MED1: variants seen among roughly 807,000 people sequenced by gnomAD.
MED1 encodes the protein mediator complex subunit 1, also known as mediator of RNA polymerase II transcription subunit 1.
In MED1, 17 loss-of-function variants were observed where a neutral mutation model predicts 121.3. The ratio of observed to expected loss-of-function variants is 0.14; its 90% CI spans 0.10 to 0.21. The LOEUF (loss-of-function observed/expected upper bound fraction) is 0.21, where lower values mean the gene tolerates loss of function less well. MED1 is among the 10% of genes least tolerant of loss of function. The pLI is 1.00. For synonymous variants in MED1, 661 were observed against 694.4 expected, an observed-to-expected ratio of 0.95 and a Z score of 0.76; for missense variants, 1,558 against 1,919.4, an observed-to-expected ratio of 0.81 and a Z score of 3.52.
In MED1 at chr17:39,408,910, G is replaced by A. The variant is rs2048329402; in HGVS notation, c.3311C>T (p.Ser1104Phe). ...CCCTGAGGTGGAAGCAGATGAGGAA[G>A]AGGAGGAAGAATGGCTATGGTGGCT... ...SKSHHSHSSSSSSSASTSGKM... is the reference protein window; with the variant it reads ...SKSHHSHSSSFSSSASTSGKM... The change falls in exon 17 of 17, where the codon TCT becomes TTT. Residue 1104 changes from serine to phenylalanine, a missense_variant. Ser to Phe is a radical substitution (Grantham distance 155). Around this residue, in one of 5 missense-constraint regions of MED1, gnomAD observed 793 missense variants for 898.2 expected, o/e 0.88. Coordinates refer to ENST00000300651, the MANE Select transcript of MED1 (RefSeq NM_004774.4). This position sits in a 1 kb window ranked among gnomAD's most constrained non-coding sequence, Gnocchi z 4.7. 3 of 1,614,052 alleles carry A rather than the reference G, an allele frequency of 1.9e-6. No homozygotes were observed. Among genetic ancestry groups the A allele is most frequent in the Non-Finnish European group, 1.7e-6 (2 of 1,180,038 alleles).
intron 13 of MED1, among the ~76,000 whole-genome samples, chr17:39,420,677 C>A (rs2048454004): frequency 6.6e-6 from 1 of 151,904 alleles, no homozygotes; most frequent in Admixed American, 6.6e-5. Flanking sequence ...TCCCATTACC[C>A]AGGATGGAGT....
chr17:39,414,634 C>CTTTTTT (rs55829399), intron 16 of MED1, among the ~76,000 whole-genome samples: 7 of 61,558 alleles, frequency 1.1e-4, no homozygotes, highest in East Asian at 6.0e-4. Context: ...CAGGCCCGGC[C>CTTTTTT]TTTTTTTTTT....
chr17:39,446,842 A>C (rs2048732878), intron 2 of MED1, among the ~76,000 whole-genome samples: 1 of 151,876 alleles, frequency 6.6e-6, no homozygotes, highest in African/African-American at 2.4e-5. Context: ...TAGGAGGCTG[A>C]GGTGGGAGAA....
chr17:39,449,514 CTTT>C (rs111864908), intron 1 of MED1, among the ~76,000 whole-genome samples: 7 of 122,866 alleles, frequency 5.7e-5, no homozygotes, highest in Non-Finnish European at 8.8e-5. Flanking sequence ...AATTTTTTTT[CTTT>C]TTTTTTTTTT....
chr17:39,409,331 C>A lies in MED1; in HGVS notation c.2890G>T (p.Gly964Trp), dbSNP rs1317158928. 1.9e-6 allele frequency: 3 copies of A among 1,613,894 alleles called. No homozygotes were observed. The highest frequency in any genetic ancestry group is 2.5e-6 in the Non-Finnish European group (3 of 1,180,002). The change falls in exon 17 of 17, where the codon GGG becomes TGG. Residue 964 changes from glycine (G) to tryptophan (W), a missense_variant. Gly to Trp is a radical substitution (Grantham distance 184). Coordinates refer to ENST00000300651, the MANE Select transcript of MED1 (RefSeq NM_004774.4). ...QGPLLTTGDLGKEKTQKRVKE... is the reference protein window; with the variant it reads ...QGPLLTTGDLWKEKTQKRVKE... Reference sequence around the variant, plus strand: ...ACCCTCTTTTGAGTCTTTTCTTTCCCTAAGTCCCCAGTGGTCAGTAAAGGA... The same window carrying A: ...ACCCTCTTTTGAGTCTTTTCTTTCCATAAGTCCCCAGTGGTCAGTAAAGGA...
chr17:39,406,123 A>T lies in MED1; in HGVS notation c.*1352T>A. ...CTATATTTTTATGTGAAGGGCTCTTATTGATGTCCCCCAGAATCCAGACTC... is the reference window on the plus strand; with the variant it reads ...CTATATTTTTATGTGAAGGGCTCTTTTTGATGTCCCCCAGAATCCAGACTC... On this transcript the variant is annotated 3_prime_UTR_variant, in exon 17 of 17. Coordinates refer to ENST00000300651, the MANE Select transcript of MED1 (RefSeq NM_004774.4). The T allele has an allele frequency of 1.0e-6, 1 of 985,548 alleles. No individual in the cohort carries two copies. The allele number at this position is 985,548 out of a possible 1,614,324, so 61.1% of individuals were successfully genotyped here. A position where few individuals can be genotyped will look rare whatever the true frequency, so the allele number is the denominator to read the frequency against.
At chr17:39,450,033 C>A (rs1372653423) in intron 1 of MED1, among the ~76,000 whole-genome samples, 1 of 148,306 alleles carries the variant, frequency 6.7e-6, no homozygotes, top group South Asian at 2.1e-4. Flanking sequence ...AGGCTGGTCT[C>A]GATCTCCCAA....
At chr17:39,438,641 A>G (rs1278773387) in intron 6 of MED1, among the ~76,000 whole-genome samples, 1 of 150,960 alleles carries the variant, frequency 6.6e-6, no homozygotes, top group African/African-American at 2.4e-5. Flanking sequence ...GTCAGCCTAA[A>G]TTTTATATTT....
chr17:39,426,543 C>CT (rs1298350277), intron 10 of MED1, among the ~76,000 whole-genome samples: 1 of 151,812 alleles, frequency 6.6e-6, no homozygotes, highest in East Asian at 1.9e-4. Context: ...GTCCATTTCA[C>CT]TTTTTTTTGA....
chr17:39,436,746 A>G (rs2048622533), intron 6 of MED1, among the ~76,000 whole-genome samples: 1 of 151,808 alleles, frequency 6.6e-6, no homozygotes, highest in Non-Finnish European at 1.5e-5. Context: ...ATTACCTTCT[A>G]TTTATTTTGT....
intron 13 of MED1, 64 bp from the exon 14 acceptor site, chr17:39,419,982 T>C: frequency 6.8e-7 from 1 of 1,467,082 alleles, no homozygotes; most frequent in South Asian, 1.2e-5. Flanking sequence ...CCACAAAGTA[T>C]CCTGAAAAAA....
rs2048289827 is a variant in MED1 at position 39,404,783 on chromosome 17, G to C, written c.*2692C>G. 1 of 154,438 alleles carries C rather than the reference G, an allele frequency of 6.5e-6. No individual in the cohort carries two copies. The highest frequency in any genetic ancestry group is 2.0e-4 in the South Asian group (1 of 5,026). 9.6% of individuals were successfully genotyped at this position (154,438 alleles called of 1,614,324 possible). On this transcript the variant is annotated 3_prime_UTR_variant, in exon 17 of 17. Transcript: ENST00000300651. ...TGCTGCACTTAATTTTCTGATCTAG[G>C]CCTGAAGAAAGAAAATCTTTCAAGA...
At chr17:39,431,227 C>T (rs761565175) in intron 8 of MED1, 39 bp from the exon 9 acceptor site, 25 of 1,515,182 alleles carry the variant, frequency 1.6e-5, no homozygotes, top group Non-Finnish European at 2.2e-5. Flanking sequence ...ATATTTAATC[C>T]CTGATGGTCT....
chr17:39,449,809 CTTTT>C (rs71147334), intron 1 of MED1, among the ~76,000 whole-genome samples: 1 of 61,628 alleles, frequency 1.6e-5, no homozygotes, highest in Admixed American at 2.3e-4. Flanking sequence ...CACACCCGGC[CTTTT>C]TTTTTTTTTT....
Position 39,451,044 on chromosome 17 carries a change from T to C in MED1, c.19A>G (p.Thr7Ala), listed in dbSNP as rs2048777655. The C allele has an allele frequency of 1.2e-6, 2 of 1,610,620 alleles. No homozygotes were observed. The highest frequency in any genetic ancestry group is 1.7e-6 in the Non-Finnish European group (2 of 1,178,534). MKAQGETEESEKLSKMS... is the reference protein window; with the variant it reads MKAQGEAEESEKLSKMS... ...TTCCCCTACAGTCACTTACCCTCGG[T>C]TTCCCCCTGAGCTTTCATCCTGAAG... Residue 7 changes from threonine (T) to alanine (A), a missense_variant, in exon 1 of 17, where the codon ACC (threonine) becomes GCC (alanine). Thr to Ala is a moderately conservative substitution (Grantham distance 58). Coordinates refer to ENST00000300651, the MANE Select transcript of MED1 (RefSeq NM_004774.4).
Position 39,413,527 on chromosome 17 carries a change from G to A in MED1, c.1499+1499C>T, listed in dbSNP as rs577705428. 2.0e-5 allele frequency among the ~76,000 whole-genome samples: 3 copies of A among 152,178 alleles called. No homozygotes were observed. In the South Asian group the frequency reaches 6.2e-4, roughly 32 times the overall value. On this transcript the variant is annotated intron_variant, in intron 16 of 16. Transcript: ENST00000300651. ...TCTGCCCGCCTTGGCCTCCCAAAGT[G>A]CTGGATTACAGGCATGCACTGCCAC... is the stretch of plus-strand genomic sequence containing the variant.
intron 6 of MED1, among the ~76,000 whole-genome samples, chr17:39,434,738 ATG>A (rs2048602246): frequency 2.0e-5 from 3 of 152,154 alleles, no homozygotes; most frequent in Admixed American, 2.0e-4. Flanking sequence ...GACTTCAGCA[ATG>A]CTCTCACTTC....
chr17:39,434,760 C>T (rs2048602369), intron 6 of MED1, among the ~76,000 whole-genome samples: 2 of 152,162 alleles, frequency 1.3e-5, no homozygotes, highest in African/African-American at 4.8e-5. Flanking sequence ...CAACCTCTCA[C>T]CTTCAACAAC....
Position 39,440,282 on chromosome 17 carries a change from T to C in MED1, c.399+104A>G. 2.4e-6 allele frequency: 3 copies of C among 1,225,294 alleles called. No individual in the cohort carries two copies. The highest frequency in any genetic ancestry group is 2.7e-5 in the Admixed American group (1 of 36,832). The allele number at this position is 1,225,294 out of a possible 1,614,324, so 75.9% of individuals were successfully genotyped here. Reference sequence around the variant, plus strand: ...ATCACATCATCTCTACAGTGGCTCATGGAAAAACCTAAACCCAAGCTATTT... The same window carrying C: ...ATCACATCATCTCTACAGTGGCTCACGGAAAAACCTAAACCCAAGCTATTT... On this transcript the variant is annotated intron_variant, in intron 5 of 16. Transcript: ENST00000300651. The surrounding 1 kb of genome is among the most constrained non-coding windows in gnomAD (Gnocchi z 4.1).
Sources: allele counts gnomAD v4.1 joint callset (sites outside exome capture counted in the v4.1 genomes callset), GRCh38; gene constraint gnomAD v4.1.1; regional missense constraint gnomAD v4.1.1; non-coding constraint Gnocchi (gnomAD v3.1); transcripts MANE v1.5; gene names NCBI Gene and HGNC (gene_info 2026-07-23, HGNC 2026-07-21).